The following ZMAT4 variants were observed in gnomAD, a reference collection of about 807,000 sequenced individuals.
ZMAT4 encodes zinc finger matrin-type 4.
ZMAT4 carries 17 observed loss-of-function variants against 28.7 expected under a neutral mutation model. The observed-to-expected ratio is 0.59, with a 90% confidence interval of 0.41 to 0.89. The LOEUF (loss-of-function observed/expected upper bound fraction) is 0.89. ZMAT4 is among the 40% of genes least tolerant of loss of function. The pLI is 0.00. For missense variants in ZMAT4, 240 were observed against 283.8 expected (o/e 0.85, Z 1.11); for synonymous variants, 117 against 109.2 (o/e 1.07, Z -0.44).
chr8:40,732,834 CTTTTTTTTTTTTTT>C (rs11461186), intron 3 of ZMAT4, among the ~76,000 whole-genome samples: 3 of 67,022 alleles, frequency 4.5e-5, no homozygotes, highest in Non-Finnish European at 8.5e-5. Flanking sequence ...GCAAGACCTC[CTTTTTTTTTTTTTT>C]TTTTTTTTTT....
intron 2 of ZMAT4, among the ~76,000 whole-genome samples, chr8:40,812,243 C>G (rs1815349428): frequency 6.6e-6 from 1 of 151,438 alleles, no homozygotes; most frequent in Admixed American, 6.6e-5. Flanking sequence ...AGTGGAGAAA[C>G]CTGACAGTCA....
intron 2 of ZMAT4, among the ~76,000 whole-genome samples, chr8:40,793,006 G>T (rs375555825): frequency 6.6e-6 from 1 of 151,932 alleles, no homozygotes; most frequent in Admixed American, 6.6e-5. Context: ...TGCTCTGTAT[G>T]ATACTGTGAT....
intron 1 of ZMAT4, among the ~76,000 whole-genome samples, chr8:40,843,774 C>T (rs1816783280): frequency 6.6e-6 from 1 of 152,222 alleles, no homozygotes; most frequent in Non-Finnish European, 1.5e-5. Context: ...GTCATCACTA[C>T]ATCCTGGTGG....
intron 6 of ZMAT4, among the ~76,000 whole-genome samples, chr8:40,557,319 A>T (rs1283069163): frequency 2.6e-5 from 4 of 152,188 alleles, no homozygotes; most frequent in Non-Finnish European, 4.4e-5. Flanking sequence ...TAGTTAATTT[A>T]AAATACCATT....
chr8:40,746,815 G>C (rs1326198231), intron 3 of ZMAT4, among the ~76,000 whole-genome samples: 1 of 152,146 alleles, frequency 6.6e-6, no homozygotes, highest in Non-Finnish European at 1.5e-5. Context: ...TTCTGCACTA[G>C]CCTCACTTGC....
chr8:40,709,884 A>T (rs889414540), intron 3 of ZMAT4, among the ~76,000 whole-genome samples: 4 of 152,060 alleles, frequency 2.6e-5, no homozygotes, highest in Non-Finnish European at 2.9e-5. Flanking sequence ...TAAAAATAAA[A>T]AAAATTAGCC....
rs965933364 is a variant in ZMAT4, at chr8:40,647,243, C to T, written c.577+27461G>A. Among the ~76,000 whole-genome samples the T allele has an allele frequency of 9.2e-5, 14 of 152,180 alleles. 1 individual carries two copies. The highest frequency in any genetic ancestry group is 4.1e-4 in the South Asian group (2 of 4,828). The stretch of plus-strand genomic sequence containing the variant: ...CCACCGTGCGTGAGCTGAAGCAGGG[C>T]GAGGCATTGCCTCACTTGGGAAGCG... On this transcript the variant is annotated intron_variant, in intron 5 of 6. Transcript: ENST00000297737.
intron 4 of ZMAT4, among the ~76,000 whole-genome samples, chr8:40,678,869 A>G (rs1013922939): frequency 6.6e-6 from 1 of 152,238 alleles, no homozygotes; most frequent in Non-Finnish European, 1.5e-5. Context: ...TGGTATAAAC[A>G]TACATACATA....
intron 5 of ZMAT4, among the ~76,000 whole-genome samples, chr8:40,646,643 C>A (rs1034258154): frequency 6.6e-6 from 1 of 152,044 alleles, no homozygotes; most frequent in African/African-American, 2.4e-5. Context: ...TATGATAATA[C>A]AGTCAATTCA....
chr8:40,666,970 CAA>C (rs1808440694), intron 5 of ZMAT4, among the ~76,000 whole-genome samples: 1 of 151,782 alleles, frequency 6.6e-6, no homozygotes, highest in African/African-American at 2.4e-5. Flanking sequence ...AAAATACACA[CAA>C]ATCTATTATT....
chr8:40,671,190 G>A (rs1384203933), intron 5 of ZMAT4, among the ~76,000 whole-genome samples: 2 of 152,226 alleles, frequency 1.3e-5, no homozygotes, highest in East Asian at 3.9e-4. Flanking sequence ...ATGAGCAGAT[G>A]TTGGTGAGGC....
At chr8:40,573,518 C>T (rs764965808) in intron 6 of ZMAT4, among the ~76,000 whole-genome samples, 21 of 152,244 alleles carry the variant, frequency 1.4e-4, no homozygotes, top group Non-Finnish European at 2.2e-4. Flanking sequence ...TTAAGGCTTA[C>T]TGTAGATTTC....
At chr8:40,543,861 C>T (rs144806920) in intron 6 of ZMAT4, among the ~76,000 whole-genome samples, 147 of 152,246 alleles carry the variant, frequency 9.7e-4, no homozygotes, top group Middle Eastern at 3.4e-3. Context: ...AAAGCATTAT[C>T]GATGATTTGC....
intron 3 of ZMAT4, among the ~76,000 whole-genome samples, chr8:40,730,047 T>C (rs1014472687): frequency 1.3e-5 from 2 of 152,260 alleles, no homozygotes; most frequent in Non-Finnish European, 2.9e-5. Flanking sequence ...GAATTTCATA[T>C]GTGAGTACAT....
chr8:40,871,591 G>A (rs1817858022), intron 1 of ZMAT4, among the ~76,000 whole-genome samples: 1 of 152,160 alleles, frequency 6.6e-6, no homozygotes, highest in South Asian at 2.1e-4. Context: ...GGAAAAGGCA[G>A]GGAAAAAAGA....
chr8:40,622,649 C>G (rs1478813219), intron 5 of ZMAT4, among the ~76,000 whole-genome samples: 2 of 152,198 alleles, frequency 1.3e-5, no homozygotes, highest in African/African-American at 4.8e-5. Context: ...GTGCAAGAAC[C>G]ATGGCATCAG....
intron 3 of ZMAT4, among the ~76,000 whole-genome samples, chr8:40,732,692 A>C (rs6996583): frequency 3.9e-5 from 6 of 151,984 alleles, no homozygotes; most frequent in Non-Finnish European, 7.4e-5. Flanking sequence ...CTGGTGTCCA[A>C]CGTTATGGGG....
At chr8:40,537,690 C>T (rs574094616) in intron 6 of ZMAT4, among the ~76,000 whole-genome samples, 44 of 152,126 alleles carry the variant, frequency 2.9e-4, no homozygotes, top group Admixed American at 2.6e-3. Context: ...CTTTGCAAAA[C>T]GTTTTTCATA....
At chr8:40,618,426 G>A (rs1806088822) in intron 5 of ZMAT4, among the ~76,000 whole-genome samples, 1 of 152,200 alleles carries the variant, frequency 6.6e-6, no homozygotes, top group African/African-American at 2.4e-5. Flanking sequence ...CTTGACACCA[G>A]ATATATTTCA....
Sources: gnomAD v4.1 joint callset for allele counts (sites outside exome capture counted in the v4.1 genomes callset) on GRCh38, gnomAD v4.1.1 for gene constraint, MANE v1.5 for transcripts, NCBI Gene and HGNC (gene_info 2026-07-23, HGNC 2026-07-21) for gene names.